PKP4: variants seen among roughly 807,000 people sequenced by gnomAD.
PKP4 encodes plakophilin-4.
A neutral mutation model predicts 145.1 loss-of-function variants in PKP4; 90 were observed. The observed-to-expected ratio is 0.62, with a 90% CI of 0.52 to 0.74. PKP4 has a LOEUF of 0.74. PKP4 is among the 30% of genes least tolerant of loss of function. The probability of loss-of-function intolerance (pLI) is 0.00; values close to 1 mark genes in which losing one functional copy is unlikely to be tolerated. For synonymous variants in PKP4, 563 were observed against 577.2 expected (o/e 0.98, Z 0.35); for missense variants, 1,340 against 1,482.7 (o/e 0.90, Z 1.58).
chr2:158,522,778 C>T (rs551361816), intron 1 of PKP4, among the ~76,000 whole-genome samples: 143 of 152,282 alleles, frequency 9.4e-4, no homozygotes, highest in Non-Finnish European at 1.6e-3. Flanking sequence ...GTGTGCGCAC[C>T]GTGCGCGAGC....
intron 16 of PKP4, among the ~76,000 whole-genome samples, chr2:158,668,168 CTT>C (rs779923239): frequency 8.0e-4 from 108 of 135,700 alleles, no homozygotes; most frequent in Admixed American, 1.0e-3. Context: ...CAGTGATGAG[CTT>C]TTTTTTTTTT....
At chr2:158,465,602 T>TTTA (rs1192900014) in intron 1 of PKP4, among the ~76,000 whole-genome samples, 1 of 152,220 alleles carries the variant, frequency 6.6e-6, no homozygotes, top group East Asian at 1.9e-4. Flanking sequence ...TTTGTGTGCC[T>TTTA]TTATAAGCCC....
At chr2:158,654,703 C>G (rs1370901058) in intron 11 of PKP4, among the ~76,000 whole-genome samples, 1 of 152,058 alleles carries the variant, frequency 6.6e-6, no homozygotes, top group Non-Finnish European at 1.5e-5. Context: ...GATCCTCTCC[C>G]CCAGTTGCAA....
intron 3 of PKP4, among the ~76,000 whole-genome samples, chr2:158,598,035 C>T (rs772264919): frequency 6.6e-6 from 1 of 151,966 alleles, no homozygotes; most frequent in African/African-American, 2.4e-5. Context: ...TTTGTTGCCC[C>T]GGCTGGTCTC....
chr2:158,514,802 G>A (rs558157647), intron 1 of PKP4, among the ~76,000 whole-genome samples: 9 of 152,232 alleles, frequency 5.9e-5, no homozygotes, highest in Non-Finnish European at 1.0e-4. Context: ...TTAGCCAGGC[G>A]TGGTGTCATA....
chr2:158,567,475 G>A lies in PKP4; in HGVS notation c.133-9796G>A, dbSNP rs146243822. ...TTTTATGGGTTGGGTTGGGTAGAGCGTGGTGCGCAGTGGTTAACCCATGGG... is the reference window on the plus strand; with the variant it reads ...TTTTATGGGTTGGGTTGGGTAGAGCATGGTGCGCAGTGGTTAACCCATGGG... On this transcript the variant is annotated intron_variant, in intron 2 of 21. Coordinates refer to ENST00000389759, the MANE Select transcript of PKP4 (RefSeq NM_003628.6). 9.2e-5 allele frequency among the ~76,000 whole-genome samples: 14 copies of A among 152,308 alleles called. 1 individual carries two copies. The highest frequency in any genetic ancestry group is 2.0e-4 in the Admixed American group (3 of 15,306).
chr2:158,676,915 T>C (rs777266479), intron 20 of PKP4, 48 bp downstream of exon 20: 2 of 1,612,412 alleles, frequency 1.2e-6, no homozygotes, highest in South Asian at 2.2e-5. Flanking sequence ...AAAGCCGCAT[T>C]TCCAGGCGCT....
intron 2 of PKP4, among the ~76,000 whole-genome samples, chr2:158,573,090 A>G (rs2047543197): frequency 6.6e-6 from 1 of 152,250 alleles, no homozygotes; most frequent in South Asian, 2.1e-4. Context: ...TTATGATTAC[A>G]TAAAGTTGGG....
intron 3 of PKP4, chr2:158,578,378 T>A (rs1193212471): frequency 6.4e-6 from 1 of 156,582 alleles, no homozygotes; most frequent in Non-Finnish European, 1.5e-5. Flanking sequence ...AAAACAAATA[T>A]AAGATTATGT....
intron 1 of PKP4, among the ~76,000 whole-genome samples, chr2:158,481,550 A>G (rs567126360): frequency 4.7e-4 from 71 of 152,252 alleles, no homozygotes; most frequent in African/African-American, 1.6e-3. Context: ...TCACCAACGC[A>G]TGTTATTGTC....
intron 13 of PKP4, 55 bp downstream of exon 13, chr2:158,661,505 G>A: frequency 9.0e-7 from 1 of 1,115,358 alleles, no homozygotes; most frequent in South Asian, 1.3e-5. Context: ...ATGATGCCTG[G>A]TGCCACTATT....
At chr2:158,620,354 T>C (rs2052091644) in intron 4 of PKP4, among the ~76,000 whole-genome samples, 1 of 152,048 alleles carries the variant, frequency 6.6e-6, no homozygotes, top group Non-Finnish European at 1.5e-5. Flanking sequence ...AATGGTACTG[T>C]TAAATTAAAG....
intron 17 of PKP4, among the ~76,000 whole-genome samples, chr2:158,673,329 G>A (rs1186394860): frequency 6.6e-5 from 10 of 152,220 alleles, no homozygotes; most frequent in Non-Finnish European, 1.2e-4. Flanking sequence ...AGTCATGGTT[G>A]CATGAATCCC....
chr2:158,522,800 G>C (rs554901345), intron 1 of PKP4, among the ~76,000 whole-genome samples: 2 of 152,214 alleles, frequency 1.3e-5, no homozygotes, highest in Admixed American at 6.5e-5. Flanking sequence ...AAAGCAGGGC[G>C]AGGCATTGCC....
intron 2 of PKP4, among the ~76,000 whole-genome samples, chr2:158,547,005 T>G (rs2045117362): frequency 6.6e-6 from 1 of 152,228 alleles, no homozygotes; most frequent in African/African-American, 2.4e-5. Context: ...CAGTCTAAAT[T>G]CAGTCTACCA....
Position 158,625,182 on chromosome 2 carries a change from C to A in PKP4, c.908C>A (p.Thr303Asn). Residue 303 changes from threonine to asparagine, a missense_variant, in exon 7 of 22, where the codon ACC becomes AAC. Physicochemically the swap from Thr to Asn is moderately conservative, Grantham distance 65 (BLOSUM62 0). Coordinates refer to ENST00000389759, the MANE Select transcript of PKP4 (RefSeq NM_003628.6). ...CAGACCTCCAATCCCAACGGACCAA[C>A]CCCTCAATACCAAACCACCGCCAGA... is the stretch of plus-strand genomic sequence containing the variant. ...SRQTSNPNGP[T>N]PQYQTTARVG... The A allele has an allele frequency of 1.9e-6, 3 of 1,614,152 alleles. No homozygotes were observed. The East Asian group carries it at 6.7e-5, about 36-fold the overall frequency.
At chr2:158,529,057 C>T (rs2043266486) in intron 1 of PKP4, among the ~76,000 whole-genome samples, 1 of 152,188 alleles carries the variant, frequency 6.6e-6, no homozygotes. Flanking sequence ...ATCCCTCCTG[C>T]AATCATCATC....
intron 18 of PKP4, 30 bp downstream of exon 18, chr2:158,673,791 T>A: frequency 6.7e-7 from 1 of 1,499,298 alleles, no homozygotes; most frequent in Non-Finnish European, 9.3e-7. Context: ...CTGGCATAAT[T>A]AGCATTCATC....
At chr2:158,480,066 A>G (rs867876123) in intron 1 of PKP4, among the ~76,000 whole-genome samples, 2 of 152,226 alleles carry the variant, frequency 1.3e-5, no homozygotes, top group South Asian at 4.1e-4. Flanking sequence ...ACCAAATTGC[A>G]GATCTGTCCC....
Sources: gnomAD v4.1 joint callset for allele counts (sites outside exome capture counted in the v4.1 genomes callset) on GRCh38, gnomAD v4.1.1 for gene constraint, MANE v1.5 for transcripts, NCBI Gene and HGNC (gene_info 2026-07-23, HGNC 2026-07-21) for gene names.